Variants in CHM observed in about 807,000 individuals in gnomAD.
The protein encoded by CHM is CHM Rab escort protein, also known as rab proteins geranylgeranyltransferase component A 1.
In CHM, 10 loss-of-function variants were observed where a neutral mutation model predicts 49.0. The ratio of observed to expected loss-of-function variants is 0.20; its 90% CI spans 0.13 to 0.35. The LOEUF is 0.35. CHM is among the 10% of genes least tolerant of loss of function. The pLI is 1.00. For missense variants in CHM, 455 were observed against 478.4 expected (o/e 0.95, Z 0.46); for synonymous variants, 184 against 167.5 (o/e 1.10, Z -0.76).
chrX:85,988,820 A>T (rs1204819300), intron 2 of CHM, among the ~76,000 whole-genome samples: 1 of 111,863 alleles, frequency 8.9e-6, no homozygotes, highest in African/African-American at 3.2e-5. Flanking sequence ...TACAATAAGA[A>T]TTAGAAACCA....
chrX:86,046,591 T>C (rs191556094), intron 1 of CHM, among the ~76,000 whole-genome samples: 1 of 111,883 alleles, frequency 8.9e-6, no homozygotes, highest in Admixed American at 9.4e-5. Context: ...TACCACATTC[T>C]ACAAACAGTA....
At chrX:85,960,953 GTATTT>G (rs927422497) in intron 5 of CHM, among the ~76,000 whole-genome samples, 1 of 111,388 alleles carries the variant, frequency 9.0e-6, no homozygotes, top group African/African-American at 3.3e-5. Flanking sequence ...GACACTATAC[GTATTT>G]TATTTAACTA....
In CHM at chrX:85,901,136, G is replaced by C; in HGVS notation, c.1297C>G (p.Leu433Val). 1 of 1,203,649 alleles carries C rather than the reference G, an allele frequency of 8.3e-7. No homozygotes were observed. The highest frequency in any genetic ancestry group is 1.1e-6 in the Non-Finnish European group (1 of 890,829). The change falls in exon 10 of 15, where the codon CTC (leucine) becomes GTC (valine). Residue 433 changes from leucine (L) to valine (V), a missense_variant. Physicochemically the swap from Leu to Val is conservative, Grantham distance 32 (BLOSUM62 1). Transcript: ENST00000357749. ...FGQRIISEHF[L>V]VEDSYFPENM... is the part of the protein sequence containing the mutation. ...TCAGGAAAGTAACTGTCCTCCACGAGGAAATGCTCAGAGATTATTCTCTGA... is the reference window on the plus strand; with the variant it reads ...TCAGGAAAGTAACTGTCCTCCACGACGAAATGCTCAGAGATTATTCTCTGA...
intron 12 of CHM, among the ~76,000 whole-genome samples, chrX:85,880,154 T>G (rs775512692): frequency 9.0e-6 from 1 of 111,358 alleles, no homozygotes; most frequent in Non-Finnish European, 1.9e-5. Flanking sequence ...AAGTATATTT[T>G]CGGATGGTTC....
intron 1 of CHM, among the ~76,000 whole-genome samples, chrX:86,041,734 A>G (rs1393598459): frequency 0.021 from 602 of 28,769 alleles, 7 homozygotes; most frequent in African/African-American, 0.053. Flanking sequence ...GTGTATATAT[A>G]TATATATATA....
intron 12 of CHM, among the ~76,000 whole-genome samples, chrX:85,889,427 CA>C (rs1569400018): frequency 8.9e-6 from 1 of 112,077 alleles, no homozygotes; most frequent in Non-Finnish European, 1.9e-5. Context: ...AAAGAAGATA[CA>C]TAAGTAGCCA....
At position 85,900,762 on chromosome X, in the gene CHM, G is replaced by A. The variant is rs143312605; in HGVS notation, c.1350-53C>T. On this transcript the variant is annotated intron_variant, in intron 10 of 14. Coordinates refer to ENST00000357749, the MANE Select transcript of CHM (RefSeq NM_000390.4). ...AATTCTGATTCCATGGATAAGTTTC[G>A]TTTATAGTTATATAACCACCAGAAG... The A allele has an allele frequency of 4.6e-4, 418 of 903,913 alleles. 3 individuals carry two copies. The East Asian group carries it at 0.011, about 24-fold the overall frequency. 74.5% of individuals were successfully genotyped at this position (903,913 alleles called of 1,213,427 possible).
chrX:85,918,991 T>G (rs1422308576), intron 8 of CHM, among the ~76,000 whole-genome samples: 1 of 111,167 alleles, frequency 9.0e-6, no homozygotes, highest in Non-Finnish European at 1.9e-5. Flanking sequence ...ACCAAGATAT[T>G]GAGGACCTGA....
In CHM at chrX:85,916,932, C is replaced by T. The variant is rs749691191; in HGVS notation, c.1167-5594G>A. On this transcript the variant is annotated intron_variant, in intron 8 of 14. Transcript: ENST00000357749. The stretch of plus-strand genomic sequence containing the variant: ...AGAAATACCATTCAACTCAGCAATC[C>T]CATCACTGGGTATATACCCAAAGGA... Among the ~76,000 whole-genome samples the T allele has an allele frequency of 1.6e-4, 18 of 112,317 alleles. No individual in the cohort carries two copies. The East Asian group carries it at 3.6e-3, about 23-fold the overall frequency.
intron 8 of CHM, among the ~76,000 whole-genome samples, chrX:85,941,069 G>T (rs180862895): frequency 3.1e-3 from 345 of 111,600 alleles, no homozygotes; most frequent in African/African-American, 0.011. Flanking sequence ...ACTATACCTA[G>T]AAGAGTATTA....
chrX:86,013,461 C>T (rs767329434), intron 2 of CHM, among the ~76,000 whole-genome samples: 297 of 111,544 alleles, frequency 2.7e-3, no homozygotes, highest in Middle Eastern at 4.6e-3. Context: ...AGGCCAGGGA[C>T]GGTGGCTCAT....
chrX:86,037,110 C>CTTT (rs1048558599), intron 1 of CHM, among the ~76,000 whole-genome samples: 39 of 70,757 alleles, frequency 5.5e-4, no homozygotes, highest in East Asian at 1.2e-3. Context: ...CTAATTTTTC[C>CTTT]TTTTTTTTTT....
At position 86,040,387 on chromosome X, in the gene CHM, C is replaced by T. The variant is rs149559573; in HGVS notation, c.49+7097G>A. Among the ~76,000 whole-genome samples, 932 of 112,109 alleles carry T rather than the reference C, an allele frequency of 8.3e-3. 5 individuals are homozygous for T. The highest frequency in any genetic ancestry group is 0.028 in the African/African-American group (856 of 30,869). ...GAGTTCATTCCTCCTGGCACAAGAG[C>T]GGCAGGCTGACTCCAGCACTCATGT... On this transcript the variant is annotated intron_variant, in intron 1 of 14. Transcript: ENST00000357749.
chrX:85,963,623 G>C, intron 5 of CHM, 42 bp downstream of exon 5: 1 of 1,147,013 alleles, frequency 8.7e-7, no homozygotes, highest in Non-Finnish European at 1.2e-6. Flanking sequence ...TATGGGCCCA[G>C]ATACTGTTTT....
rs150380185 is a variant in CHM, at chrX:85,939,312, C to A, written c.1166+16841G>T. ...GTAGAAGAAAATACACCAAAATATT[C>A]AGTGTGCTATTGTTAACAGGTGATG... On this transcript the variant is annotated intron_variant, in intron 8 of 14. Coordinates refer to ENST00000357749, the MANE Select transcript of CHM (RefSeq NM_000390.4). 5.5e-4 allele frequency among the ~76,000 whole-genome samples: 62 copies of A among 112,265 alleles called. 1 individual carries two copies. In the Middle Eastern group the frequency reaches 0.014, roughly 25 times the overall value.
chrX:86,033,998 G>T (rs984821458), intron 1 of CHM, among the ~76,000 whole-genome samples: 31 of 111,565 alleles, frequency 2.8e-4, no homozygotes, highest in African/African-American at 9.8e-4. Flanking sequence ...TCACTATGGT[G>T]TGAGCCTTTA....
chrX:85,896,217 G>A (rs1412657455), intron 11 of CHM, among the ~76,000 whole-genome samples: 2 of 109,895 alleles, frequency 1.8e-5, no homozygotes, highest in Admixed American at 9.8e-5. Context: ...AAGACAATCA[G>A]GACACACACT....
chrX:85,932,885 T>C (rs1928518757), intron 8 of CHM, among the ~76,000 whole-genome samples: 1 of 112,034 alleles, frequency 8.9e-6, no homozygotes, highest in South Asian at 3.7e-4. Context: ...ACAAGATATG[T>C]GACAGTAGCA....
At chrX:85,976,753 C>T (rs1406938806) in intron 4 of CHM, among the ~76,000 whole-genome samples, 1 of 110,730 alleles carries the variant, frequency 9.0e-6, no homozygotes, top group Non-Finnish European at 1.9e-5. Flanking sequence ...TGCTCAGTAT[C>T]ACATAGCAAG....
Sources: gnomAD v4.1 joint callset for allele counts (sites outside exome capture counted in the v4.1 genomes callset) on GRCh38, gnomAD v4.1.1 for gene constraint, MANE v1.5 for transcripts, NCBI Gene and HGNC (gene_info 2026-07-23, HGNC 2026-07-21) for gene names.